DNAJC1: variants seen among roughly 807,000 people sequenced by gnomAD.
DNAJC1 encodes dnaJ homolog subfamily C member 1.
In DNAJC1, 58 loss-of-function variants were observed where a neutral mutation model predicts 76.6. The observed-to-expected ratio is 0.76, with a 90% CI of 0.61 to 0.94. The LOEUF is 0.94. DNAJC1 is among the 40% of genes least tolerant of loss of function. DNAJC1 has a pLI of 0.00. For missense variants in DNAJC1, 689 were observed against 677.3 expected, an observed-to-expected ratio of 1.02 and a Z score of -0.19; for synonymous variants, 258 against 267.9, an observed-to-expected ratio of 0.96 and a Z score of 0.36.
intron 8 of DNAJC1, among the ~76,000 whole-genome samples, chr10:21,872,614 T>C (rs1309598414): frequency 2.0e-4 from 31 of 152,018 alleles, no homozygotes; most frequent in Admixed American, 2.0e-3. Context: ...TGCATTGAAA[T>C]GATCTGGGCT....
chr10:21,773,916 C>T (rs1474647952), intron 9 of DNAJC1, among the ~76,000 whole-genome samples: 14 of 150,668 alleles, frequency 9.3e-5, no homozygotes, highest in Middle Eastern at 3.4e-3. Context: ...CCGAGGCGGG[C>T]GGATCACGAG....
chr10:21,839,908 T>G (rs1086898), intron 8 of DNAJC1, among the ~76,000 whole-genome samples: 1 of 152,056 alleles, frequency 6.6e-6, no homozygotes, highest in Non-Finnish European at 1.5e-5. Flanking sequence ...CCACCATGAT[T>G]AAGTGGGCTT....
intron 9 of DNAJC1, among the ~76,000 whole-genome samples, chr10:21,790,010 TA>T (rs35639440): frequency 0.6 from 24,663 of 41,026 alleles, 5,782 homozygotes; most frequent in East Asian, 0.68. Flanking sequence ...GCTCTGTCTT[TA>T]AAAAAAAAAA....
intron 1 of DNAJC1, among the ~76,000 whole-genome samples, chr10:21,989,769 C>G (rs1590082535): frequency 6.6e-6 from 1 of 152,090 alleles, no homozygotes; most frequent in South Asian, 2.1e-4. Context: ...CCCAATGTAA[C>G]CTCAGGAGGG....
At chr10:21,813,194 CTCTCTCTCTCTCTCTCTCTCTCTCTCTA>C (rs1330800959) in intron 8 of DNAJC1, among the ~76,000 whole-genome samples, 7 of 72,192 alleles carry the variant, frequency 9.7e-5, no homozygotes, top group African/African-American at 4.0e-4. Context: ...CTCTCTCTCT[CTCTCTCTCTCTCTCTCTCTCTCTCTCTA>C]TATATATATA....
chr10:21,868,581 A>G (rs1836048235), intron 8 of DNAJC1, among the ~76,000 whole-genome samples: 1 of 152,096 alleles, frequency 6.6e-6, no homozygotes, highest in Non-Finnish European at 1.5e-5. Context: ...GAGGTCACAT[A>G]CTGAATGATT....
intron 4 of DNAJC1, 135 bp downstream of exon 4, chr10:21,920,663 A>G (rs1368066844): frequency 1.4e-6 from 1 of 694,950 alleles, no homozygotes; most frequent in Admixed American, 3.9e-5. Flanking sequence ...AAATATGTCA[A>G]ACATTGAGTA....
At chr10:21,786,121 C>T (rs999907529) in intron 9 of DNAJC1, among the ~76,000 whole-genome samples, 7 of 151,872 alleles carry the variant, frequency 4.6e-5, no homozygotes, top group Non-Finnish European at 8.8e-5. Context: ...AGAGTGCACA[C>T]CTTGGGAATT....
chr10:21,805,036 T>C (rs1834867711), intron 9 of DNAJC1, among the ~76,000 whole-genome samples: 2 of 152,204 alleles, frequency 1.3e-5, no homozygotes, highest in Non-Finnish European at 2.9e-5. Context: ...ACTTACAGCA[T>C]TTATAAGCTC....
At chr10:21,909,038 C>G (rs931994083) in intron 6 of DNAJC1, among the ~76,000 whole-genome samples, 7 of 152,180 alleles carry the variant, frequency 4.6e-5, no homozygotes, top group African/African-American at 1.7e-4. Context: ...AGGTGCCCAC[C>G]ACCACGTCTG....
At chr10:21,986,370 C>G (rs749417593) in intron 1 of DNAJC1, among the ~76,000 whole-genome samples, 5 of 152,150 alleles carry the variant, frequency 3.3e-5, no homozygotes, top group African/African-American at 1.2e-4. Context: ...TATGTTATCT[C>G]CTTATGGATT....
chr10:21,960,190 A>C (rs2131817047), intron 1 of DNAJC1, among the ~76,000 whole-genome samples: 1 of 152,346 alleles, frequency 6.6e-6, no homozygotes. Context: ...TTTTACTCAG[A>C]TCAAAAGCCA....
intron 1 of DNAJC1, among the ~76,000 whole-genome samples, chr10:21,940,522 T>C (rs1183881533): frequency 6.6e-6 from 1 of 152,236 alleles, no homozygotes; most frequent in African/African-American, 2.4e-5. Context: ...GAATGATTTC[T>C]TGACAAATAA....
chr10:21,769,041 T>C (rs1834340684), intron 9 of DNAJC1, among the ~76,000 whole-genome samples: 1 of 152,220 alleles, frequency 6.6e-6, no homozygotes, highest in Admixed American at 6.5e-5. Flanking sequence ...TTTCCTTCTT[T>C]CTCTGAATGT....
chr10:21,969,321 G>A (rs1164677085), intron 1 of DNAJC1, among the ~76,000 whole-genome samples: 1 of 151,894 alleles, frequency 6.6e-6, no homozygotes, highest in Non-Finnish European at 1.5e-5. Context: ...GAGAGGATGA[G>A]GGCGGGGGAT....
At chr10:21,820,470 T>C (rs761860044) in intron 8 of DNAJC1, among the ~76,000 whole-genome samples, 3 of 152,224 alleles carry the variant, frequency 2.0e-5, no homozygotes, top group Non-Finnish European at 4.4e-5. Flanking sequence ...TTTCCTCCAC[T>C]TTCACACAAA....
chr10:21,834,419 C>A (rs1041474921), intron 8 of DNAJC1, among the ~76,000 whole-genome samples: 3 of 152,212 alleles, frequency 2.0e-5, no homozygotes, highest in Admixed American at 1.3e-4. Flanking sequence ...GTGATTTCTG[C>A]ATTTTCAACT....
intron 6 of DNAJC1, among the ~76,000 whole-genome samples, chr10:21,907,959 C>A (rs1836774014): frequency 7.1e-6 from 1 of 140,210 alleles, no homozygotes; most frequent in Non-Finnish European, 1.5e-5. Flanking sequence ...GCATGGGCCA[C>A]AGAGTGAGAC....
chr10:21,789,380 T>C (rs1410342898), intron 9 of DNAJC1, among the ~76,000 whole-genome samples: 3 of 152,134 alleles, frequency 2.0e-5, no homozygotes, highest in African/African-American at 4.8e-5. Flanking sequence ...TGAAAGTCTT[T>C]CTCTATGTAT....
Sources: gnomAD v4.1 joint callset for allele counts (sites outside exome capture counted in the v4.1 genomes callset) on GRCh38, gnomAD v4.1.1 for gene constraint, MANE v1.5 for transcripts, NCBI Gene and HGNC (gene_info 2026-07-23, HGNC 2026-07-21) for gene names.